Variants in LCORL observed in about 807,000 individuals in gnomAD.
LCORL encodes ligand dependent nuclear receptor corepressor like.
A neutral mutation model predicts 141.8 loss-of-function variants in LCORL; 41 were observed. That is an observed-to-expected ratio of 0.29 (90% confidence interval 0.23 to 0.38). LCORL has a LOEUF of 0.38. Among genes scored for constraint, LCORL ranks in the 10% least tolerant of loss-of-function variants. The pLI is 1.00. For missense variants in LCORL, 1,759 were observed against 2,035.0 expected (o/e 0.86, Z 2.61); for synonymous variants, 618 against 694.1 (o/e 0.89, Z 1.72).
chr4:17,993,044 A>G (rs1720299571), intron 1 of LCORL, among the ~76,000 whole-genome samples: 1 of 152,232 alleles, frequency 6.6e-6, no homozygotes, highest in Admixed American at 6.5e-5. Context: ...GGAACGGCAC[A>G]TTACACGTTT....
At chr4:17,911,948 T>C (rs1049131206) in intron 4 of LCORL, 2 of 586,338 alleles carry the variant, frequency 3.4e-6, no homozygotes, top group African/African-American at 1.9e-5. Context: ...GGCCAGACCA[T>C]GCAAAGCCTG....
At chr4:17,967,106 G>A (rs1005300521) in intron 2 of LCORL, among the ~76,000 whole-genome samples, 1 of 152,102 alleles carries the variant, frequency 6.6e-6, no homozygotes, top group African/African-American at 2.4e-5. Flanking sequence ...GACATGAAAA[G>A]TAATAGAGGA....
chr4:17,990,346 G>T (rs750841398), intron 1 of LCORL, among the ~76,000 whole-genome samples: 1 of 151,684 alleles, frequency 6.6e-6, no homozygotes, highest in Non-Finnish European at 1.5e-5. Flanking sequence ...TGATCCACCC[G>T]CCTCGGCCTG....
chr4:18,009,012 T>C (rs1037584963), intron 1 of LCORL, among the ~76,000 whole-genome samples: 2 of 152,006 alleles, frequency 1.3e-5, no homozygotes, highest in Admixed American at 1.3e-4. Context: ...AAAACAACCA[T>C]TAAAATCAGG....
exon 8 of LCORL, chr4:17,845,459 G>A (rs967303390): frequency 3.8e-5 from 11 of 288,794 alleles, no homozygotes; most frequent in Non-Finnish European, 7.1e-5. Context: ...GGACAATTAC[G>A]TATTTAAACT....
Position 18,021,232 on chromosome 4 carries a change from CACCGG to C in LCORL, c.154+361_154+365del, listed in dbSNP as rs1725513376. On this transcript the variant is annotated intron_variant, in intron 1 of 7. Transcript: ENST00000635767. This position sits in a 1 kb window ranked among gnomAD's most constrained non-coding sequence, Gnocchi z 5.5. Reference sequence around the variant, plus strand: ...GCTCTCCTCCGCCAGGGCGCCGACCCACCGGGCCGCTTCCTCCGTCCTGTCAGGGT... The same window carrying C: ...GCTCTCCTCCGCCAGGGCGCCGACCCGCCGCTTCCTCCGTCCTGTCAGGGT... 6.6e-6 allele frequency among the ~76,000 whole-genome samples: 1 copy of C among 152,134 alleles called. No individual in the cohort carries two copies. The highest frequency in any genetic ancestry group is 1.5e-5 in the Non-Finnish European group (1 of 67,996).
chr4:17,886,151 C>T, exon 6 of LCORL: 2 of 1,578,540 alleles, frequency 1.3e-6, no homozygotes, highest in Non-Finnish European at 1.7e-6. Flanking sequence ...AGAGATCTAA[C>T]ACTCCATCCC....
chr4:17,961,171 C>T (rs1011340326), intron 4 of LCORL, among the ~76,000 whole-genome samples: 1 of 151,954 alleles, frequency 6.6e-6, no homozygotes, highest in Non-Finnish European at 1.5e-5. Context: ...ATCCCCCAAC[C>T]TAAACATGCA....
chr4:17,976,208 C>A (rs574498673), intron 1 of LCORL, among the ~76,000 whole-genome samples: 1 of 152,060 alleles, frequency 6.6e-6, no homozygotes, highest in Non-Finnish European at 1.5e-5. Flanking sequence ...TTTATTCAGT[C>A]TGAAAATATC....
At chr4:17,875,609 G>C in exon 7 of LCORL, 1 of 1,231,096 alleles carries the variant, frequency 8.1e-7, no homozygotes, top group Non-Finnish European at 1.0e-6. Context: ...CTTCTGATAT[G>C]AGACATTCTG....
chr4:17,935,374 T>C (rs1409465030), intron 4 of LCORL, among the ~76,000 whole-genome samples: 1 of 152,182 alleles, frequency 6.6e-6, no homozygotes, highest in Non-Finnish European at 1.5e-5. Context: ...CCAAATGAAT[T>C]AATCAGTAAC....
chr4:17,880,724 T>A, intron 6 of LCORL: 1 of 971,296 alleles, frequency 1.0e-6, no homozygotes, highest in South Asian at 4.8e-5. Flanking sequence ...TAGAAACACG[T>A]TAACTGAACA....
At chr4:18,007,792 G>A (rs778071418) in intron 1 of LCORL, among the ~76,000 whole-genome samples, 4 of 152,152 alleles carry the variant, frequency 2.6e-5, no homozygotes, top group Non-Finnish European at 5.9e-5. Context: ...GAGGATGAAA[G>A]GATCTGTGGG....
chr4:17,880,990 T>G, intron 6 of LCORL: 4 of 983,522 alleles, frequency 4.1e-6, no homozygotes, highest in Non-Finnish European at 4.8e-6. Flanking sequence ...AATACTGCAA[T>G]TAAAAAACAA....
chr4:17,976,549 G>A (rs1717018960), intron 1 of LCORL, among the ~76,000 whole-genome samples: 1 of 151,816 alleles, frequency 6.6e-6, no homozygotes, highest in African/African-American at 2.4e-5. Context: ...TGTAATATAA[G>A]GATCAAATCT....
At chr4:18,010,412 GTATA>G (rs1180510783) in intron 1 of LCORL, among the ~76,000 whole-genome samples, 1 of 151,480 alleles carries the variant, frequency 6.6e-6, no homozygotes, top group African/African-American at 2.4e-5. Flanking sequence ...GTGTGTGTGT[GTATA>G]TATATATGTA....
At chr4:17,897,260 T>C (rs1267179640) in intron 5 of LCORL, among the ~76,000 whole-genome samples, 1 of 127,196 alleles carries the variant, frequency 7.9e-6, no homozygotes, top group Non-Finnish European at 1.6e-5. Flanking sequence ...TTAGGGTATA[T>C]ACCTAGCAAT....
chr4:17,988,782 C>T (rs1719470317), intron 1 of LCORL, among the ~76,000 whole-genome samples: 1 of 152,100 alleles, frequency 6.6e-6, no homozygotes, highest in African/African-American at 2.4e-5. Context: ...GTCAGGAGTT[C>T]GAGACCAGCC....
At chr4:17,985,411 T>C (rs1302573476) in intron 1 of LCORL, among the ~76,000 whole-genome samples, 1 of 152,174 alleles carries the variant, frequency 6.6e-6, no homozygotes, top group Non-Finnish European at 1.5e-5. Context: ...AGTATCTTAG[T>C]AGGTCTCTAA....
Sources: allele counts gnomAD v4.1 joint callset (sites outside exome capture counted in the v4.1 genomes callset), GRCh38; gene constraint gnomAD v4.1.1; non-coding constraint Gnocchi (gnomAD v3.1); transcripts MANE v1.5; gene names NCBI Gene and HGNC (gene_info 2026-07-23, HGNC 2026-07-21).